Variants in RBM4 observed in about 807,000 individuals in gnomAD.
RBM4 encodes RNA-binding protein 4.
Under a neutral mutation model 29.5 loss-of-function variants are expected in RBM4, and 7 were observed. The ratio of observed to expected loss-of-function variants is 0.24; its 90% CI spans 0.14 to 0.45. RBM4 has a LOEUF of 0.45. RBM4 is among the 20% of genes least tolerant of loss of function. The pLI, the probability that RBM4 is intolerant of heterozygous loss-of-function variation, is 1.00. For missense variants in RBM4, 387 were observed against 502.3 expected (o/e 0.77, Z 2.19); for synonymous variants, 220 against 205.4 (o/e 1.07, Z -0.61).
In RBM4 at chr11:66,646,192, C is replaced by G. The variant is rs1236882207; in HGVS notation, c.*174C>G. 1.4e-6 allele frequency: 2 copies of G among 1,476,506 alleles called. No homozygotes were observed. The highest frequency in any genetic ancestry group is 2.5e-5 in the East Asian group (1 of 40,114). The allele number at this position is 1,476,506 out of a possible 1,614,324, so 91.5% of individuals were successfully genotyped here. ...TCAGACCTTCTCTTCCTTTCCTTTC[C>G]TTTCCTCTCCTGCCCATTTTCCTGT... On this transcript the variant is annotated 3_prime_UTR_variant, in exon 4 of 4. Coordinates refer to ENST00000310092, the MANE Select transcript of RBM4 (RefSeq NM_002896.4).
intron 2 of RBM4, among the ~76,000 whole-genome samples, chr11:66,663,164 T>C (rs898804632): frequency 1.3e-5 from 2 of 152,240 alleles, no homozygotes; most frequent in Non-Finnish European, 2.9e-5. Context: ...AAATGTGTTC[T>C]ATGGGGATCT....
At chr11:66,663,741 C>T (rs1386714449) in intron 2 of RBM4, among the ~76,000 whole-genome samples, 27 of 146,650 alleles carry the variant, frequency 1.8e-4, no homozygotes, top group Admixed American at 1.8e-3. Flanking sequence ...TATATGTTTT[C>T]TTTTTGTTTT....
chr11:66,643,464 G>A lies in RBM4; in HGVS notation c.427G>A (p.Val143Met), dbSNP rs781695343. ...NTEFQGKRMH[V>M]QLSTSRLRTA... The stretch of plus-strand genomic sequence containing the variant: ...GTTTCTTCAAGGCAAACGAATGCAC[G>A]TGCAGTTGTCCACCAGCCGGCTTAG... The change falls in exon 3 of 4, where the codon GTG becomes ATG. Residue 143 changes from valine to methionine, a missense_variant. Coordinates refer to ENST00000310092, the MANE Select transcript of RBM4 (RefSeq NM_002896.4). The surrounding 1 kb of genome is among the most constrained non-coding windows in gnomAD (Gnocchi z 6.1). The A allele has an allele frequency of 1.9e-6, 3 of 1,609,532 alleles. No individual in the cohort carries two copies. The highest frequency in any genetic ancestry group is 1.3e-5 in the African/African-American group (1 of 74,806).
At chr11:66,663,027 T>C (rs1274121740) in intron 2 of RBM4, among the ~76,000 whole-genome samples, 1 of 152,218 alleles carries the variant, frequency 6.6e-6, no homozygotes, top group East Asian at 1.9e-4. Context: ...CCTGTCAAGA[T>C]TAAGTATAAA....
At chr11:66,665,672 G>C in intron 2 of RBM4, 4 of 1,514,740 alleles carry the variant, frequency 2.6e-6, no homozygotes, top group Non-Finnish European at 3.5e-6. Context: ...TGTATTCCGG[G>C]GGGAAAAAAA....
At chr11:66,656,920 A>G (rs1938961195) in intron 2 of RBM4, among the ~76,000 whole-genome samples, 2 of 152,022 alleles carry the variant, frequency 1.3e-5, no homozygotes, top group African/African-American at 4.8e-5. Context: ...TTGGCCGCCC[A>G]AAGTGCTGGG....
chr11:66,667,771 A>G (rs879497042), exon 3 of RBM4: 1 of 151,750 alleles, frequency 6.6e-6, no homozygotes, highest in Admixed American at 6.6e-5. Context: ...TGGTGTGATC[A>G]TAGCTCACTG....
intron 2 of RBM4, among the ~76,000 whole-genome samples, chr11:66,664,677 C>T (rs776261765): frequency 3.3e-5 from 5 of 151,874 alleles, no homozygotes; most frequent in Non-Finnish European, 7.4e-5. Flanking sequence ...TCAGGCTGGT[C>T]TACCTGACCT....
At chr11:66,654,974 A>G (rs960594118) in intron 2 of RBM4, among the ~76,000 whole-genome samples, 13 of 150,704 alleles carry the variant, frequency 8.6e-5, no homozygotes, top group African/African-American at 3.2e-4. Flanking sequence ...ACAGGCGCAT[A>G]CCACCACGCC....
At chr11:66,639,511 A>T in intron 1 of RBM4, 189 bp from the exon 2 acceptor site, 1 of 717,238 alleles carries the variant, frequency 1.4e-6, no homozygotes, top group Non-Finnish European at 2.2e-6. Context: ...TCTTATTCTT[A>T]CAGGTTCATG....
chr11:66,648,842 A>G (rs1332405000), downstream of RBM4, among the ~76,000 whole-genome samples: 2 of 150,534 alleles, frequency 1.3e-5, no homozygotes, highest in Non-Finnish European at 3.0e-5. Flanking sequence ...TAATTTCTTG[A>G]TTCTATTAGA....
rs1350737416 is a variant in RBM4, at chr11:66,643,334, A to T, written c.413-116A>T. 2 of 1,271,186 alleles carry T rather than the reference A, an allele frequency of 1.6e-6. No homozygotes were observed. Among genetic ancestry groups the T allele is most frequent in the African/African-American group, 3.0e-5 (2 of 66,908 alleles). 78.7% of individuals were successfully genotyped at this position (1,271,186 alleles called of 1,614,324 possible). A position where few individuals can be genotyped will look rare whatever the true frequency, so the allele number is the denominator to read the frequency against. On this transcript the variant is annotated intron_variant, in intron 2 of 3. Transcript: ENST00000310092. This position sits in a 1 kb window ranked among gnomAD's most constrained non-coding sequence, Gnocchi z 6.1. Reference sequence around the variant, plus strand: ...TTTTCCTTTTTATCTTTTCCTAAAGATGAGTCCTGCATTAGAATTGTCTAG... The same window carrying T: ...TTTTCCTTTTTATCTTTTCCTAAAGTTGAGTCCTGCATTAGAATTGTCTAG...
intron 2 of RBM4, among the ~76,000 whole-genome samples, chr11:66,660,112 C>CT (rs1441941754): frequency 6.8e-6 from 1 of 147,494 alleles, no homozygotes; most frequent in African/African-American, 2.5e-5. Flanking sequence ...ACACTGAGCT[C>CT]TTTCCTGCCT....
Position 66,646,008 on chromosome 11 carries a change from G to A in RBM4, c.*9-19G>A. 2.6e-6 allele frequency: 4 copies of A among 1,536,138 alleles called. No individual in the cohort carries two copies. Among genetic ancestry groups the A allele is most frequent in the Non-Finnish European group, 3.5e-6 (4 of 1,146,906 alleles). On this transcript the variant is annotated intron_variant, in intron 3 of 3. Coordinates refer to ENST00000310092, the MANE Select transcript of RBM4 (RefSeq NM_002896.4). ...TTTTGAGCTTTGCTGTAAAGCCGCT[G>A]TATTGTGCTCTCTTTCAGGTGGGAT...
At position 66,638,745 on chromosome 11, in the gene RBM4, C is replaced by A. The variant is rs1938289670; in HGVS notation, c.-20C>A. On this transcript the variant is annotated 5_prime_UTR_variant, in exon 1 of 4. It adds an upstream start codon to the 5' untranslated region. Transcript: ENST00000310092. ...CGCGAGGAGGAGGCCCTGCTGGTTT[C>A]TGTGCGGGTGAGACTCCGAGCCTTT... 6.5e-6 allele frequency: 1 copy of A among 153,142 alleles called. No individual in the cohort carries two copies. The highest frequency in any genetic ancestry group is 1.5e-5 in the Non-Finnish European group (1 of 68,528). The allele number at this position is 153,142 out of a possible 1,614,324, so 9.5% of individuals were successfully genotyped here.
chr11:66,642,030 C>T (rs190685448), intron 2 of RBM4, among the ~76,000 whole-genome samples: 11 of 152,354 alleles, frequency 7.2e-5, no homozygotes, highest in African/African-American at 2.6e-4. Context: ...AAGTGGCCCC[C>T]TGGGCAAATG....
intron 2 of RBM4, 136 bp downstream of exon 2, chr11:66,640,259 A>C: frequency 1.7e-6 from 2 of 1,179,920 alleles, no homozygotes; most frequent in Non-Finnish European, 2.4e-6. Flanking sequence ...TGGGTGATGG[A>C]CTTCTTATGA....
At chr11:66,657,043 T>C (rs2135086003) in intron 2 of RBM4, among the ~76,000 whole-genome samples, 1 of 152,164 alleles carries the variant, frequency 6.6e-6, no homozygotes, top group Middle Eastern at 3.4e-3. Context: ...CAGAACATTT[T>C]TGTCAGCCAA....
rs376534901 is a variant in RBM4 at position 66,655,824 on chromosome 11, C to G, written c.413-10032C>G. 3.3e-4 allele frequency among the ~76,000 whole-genome samples: 50 copies of G among 152,190 alleles called. 1 individual carries two copies. The South Asian group carries it at 9.1e-3, about 28-fold the overall frequency. On this transcript the variant is annotated intron_variant, in intron 2 of 2. Coordinates refer to the RBM4 transcript ENST00000396053. Reference sequence around the variant, plus strand: ...TTCTAGGGCCTTTCTGGCCTTCACTCTGAGTCAACTAGTCTTGTAGGTTTT... The same window carrying G: ...TTCTAGGGCCTTTCTGGCCTTCACTGTGAGTCAACTAGTCTTGTAGGTTTT...
Sources: gnomAD v4.1 joint callset for allele counts (sites outside exome capture counted in the v4.1 genomes callset) on GRCh38, gnomAD v4.1.1 for gene constraint, Gnocchi (gnomAD v3.1) non-coding constraint, MANE v1.5 for transcripts, NCBI Gene and HGNC (gene_info 2026-07-23, HGNC 2026-07-21) for gene names.